Variants in CRYL1 observed in about 807,000 individuals in gnomAD.
CRYL1 encodes crystallin lambda 1.
In CRYL1, 29 loss-of-function variants were observed where a neutral mutation model predicts 36.6. That is an observed-to-expected ratio of 0.79 (90% CI 0.59 to 1.08). CRYL1 has a LOEUF of 1.08. Ranked by LOEUF, CRYL1 falls within the 50% of genes least tolerant of loss-of-function variation. CRYL1 has a pLI of 0.00. For missense variants in CRYL1, 411 were observed against 407.9 expected, an observed-to-expected ratio of 1.01 and a Z score of -0.06; for synonymous variants, 152 against 151.5, an observed-to-expected ratio of 1.00 and a Z score of -0.02.
intron 3 of CRYL1, among the ~76,000 whole-genome samples, chr13:20,456,279 G>A (rs372564160): frequency 4.0e-4 from 61 of 152,078 alleles, no homozygotes; most frequent in African/African-American, 1.4e-3. Context: ...TTTGAGACAA[G>A]CCTGGGCAAC....
chr13:20,516,959 A>T (rs2034010330), intron 1 of CRYL1, among the ~76,000 whole-genome samples: 1 of 152,150 alleles, frequency 6.6e-6, no homozygotes, highest in Admixed American at 6.5e-5. Context: ...CTGTGGTCCC[A>T]GCTACTCAGG....
In CRYL1 at chr13:20,439,528, A is replaced by G. The variant is rs878989745; in HGVS notation, c.438+65T>C. 4.3e-3 allele frequency: 4,427 copies of G among 1,023,380 alleles called. 1 individual carries two copies. The highest frequency in any genetic ancestry group is 8.3e-3 in the African/African-American group (472 of 56,772). 63.4% of individuals were successfully genotyped at this position (1,023,380 alleles called of 1,614,324 possible). On this transcript the variant is annotated intron_variant, in intron 4 of 7. Transcript: ENST00000298248. Reference sequence around the variant, plus strand: ...CCCCTCCCCCGCAAAAAAAAAAAAAAAAGAAAAAAAAAAAACACAGAATGA... The same window carrying G: ...CCCCTCCCCCGCAAAAAAAAAAAAAGAAGAAAAAAAAAAAACACAGAATGA...
chr13:20,429,789 T>G (rs950251097), intron 5 of CRYL1, among the ~76,000 whole-genome samples: 16 of 152,144 alleles, frequency 1.1e-4, no homozygotes, highest in Non-Finnish European at 2.2e-4. Context: ...CAGGCTCCCC[T>G]AGCGCCCTGA....
chr13:20,407,377 A>G lies in CRYL1; in HGVS notation c.740-2636T>C, dbSNP rs538433197. ...TGCATCTGCCTGATTATTTACAACC[A>G]TGTCCCAGTAAACTTATGACTGTGA... is the stretch of plus-strand genomic sequence containing the variant. On this transcript the variant is annotated intron_variant, in intron 6 of 7. Transcript: ENST00000298248. Among the ~76,000 whole-genome samples the G allele has an allele frequency of 1.3e-4, 20 of 152,024 alleles. No homozygotes were observed. The East Asian group carries it at 2.2e-3, about 16-fold the overall frequency.
At chr13:20,523,619 A>C (rs983282299) in intron 1 of CRYL1, among the ~76,000 whole-genome samples, 7 of 152,096 alleles carry the variant, frequency 4.6e-5, no homozygotes, top group South Asian at 2.1e-4. Flanking sequence ...GCCAGGAAAG[A>C]AATAGAGGGA....
chr13:20,421,273 A>G (rs193028191), intron 5 of CRYL1, among the ~76,000 whole-genome samples: 2 of 152,194 alleles, frequency 1.3e-5, no homozygotes, highest in Admixed American at 1.3e-4. Flanking sequence ...TACAACAGCA[A>G]AAAGAATCCA....
At chr13:20,493,783 C>A (rs1417424012) in intron 2 of CRYL1, among the ~76,000 whole-genome samples, 1 of 152,142 alleles carries the variant, frequency 6.6e-6, no homozygotes, top group Admixed American at 6.5e-5. Context: ...TCACCATGAC[C>A]ACAGGCCATA....
chr13:20,434,254 C>G (rs1565962730), intron 4 of CRYL1, among the ~76,000 whole-genome samples: 1 of 152,144 alleles, frequency 6.6e-6, no homozygotes, highest in South Asian at 2.1e-4. Context: ...ACTTGGGGAG[C>G]TTTTCTGTCT....
intron 1 of CRYL1, chr13:20,515,763 A>C (rs965819679): frequency 6.6e-6 from 1 of 152,236 alleles, no homozygotes; most frequent in Non-Finnish European, 1.5e-5. Context: ...GGTGGATGCC[A>C]GGGGCTGGGG....
chr13:20,465,723 G>A (rs2032918369), intron 3 of CRYL1, among the ~76,000 whole-genome samples: 1 of 152,174 alleles, frequency 6.6e-6, no homozygotes, highest in Non-Finnish European at 1.5e-5. Context: ...CTGAGCCATA[G>A]AGAGTTTACC....
intron 3 of CRYL1, among the ~76,000 whole-genome samples, chr13:20,470,608 G>A (rs1309233024): frequency 6.6e-6 from 1 of 152,100 alleles, no homozygotes; most frequent in African/African-American, 2.4e-5. Context: ...CAAGACAAAA[G>A]CTATAAAAAC....
intron 3 of CRYL1, among the ~76,000 whole-genome samples, chr13:20,483,087 C>T (rs941434256): frequency 4.6e-5 from 7 of 151,956 alleles, no homozygotes; most frequent in African/African-American, 7.3e-5. Context: ...TTAATGAGTA[C>T]AAAATACAGT....
chr13:20,411,051 G>C (rs983813621), intron 6 of CRYL1, among the ~76,000 whole-genome samples: 1 of 152,210 alleles, frequency 6.6e-6, no homozygotes, highest in Non-Finnish European at 1.5e-5. Context: ...ACTAGTTCTA[G>C]ATAAATGGTA....
intron 2 of CRYL1, among the ~76,000 whole-genome samples, chr13:20,505,243 G>A (rs2033771409): frequency 6.6e-6 from 1 of 151,746 alleles, no homozygotes; most frequent in African/African-American, 2.4e-5. Flanking sequence ...TGTAGTCCCA[G>A]CTACTCGGGA....
At chr13:20,449,582 A>G (rs2032525014) in intron 3 of CRYL1, among the ~76,000 whole-genome samples, 1 of 152,122 alleles carries the variant, frequency 6.6e-6, no homozygotes, top group African/African-American at 2.4e-5. Flanking sequence ...AATAGAAGAC[A>G]GATTGGAAGT....
intron 2 of CRYL1, among the ~76,000 whole-genome samples, chr13:20,505,585 G>A (rs759726446): frequency 6.6e-6 from 1 of 152,064 alleles, no homozygotes; most frequent in Non-Finnish European, 1.5e-5. Flanking sequence ...TTATTTCTGC[G>A]TCCATAATGG....
chr13:20,437,611 G>C (rs920665119), intron 4 of CRYL1, among the ~76,000 whole-genome samples: 1 of 152,120 alleles, frequency 6.6e-6, no homozygotes, highest in Non-Finnish European at 1.5e-5. Flanking sequence ...ACTTTATGCT[G>C]TTTCATTAAA....
Position 20,525,377 on chromosome 13 carries a change from C to T in CRYL1, c.41+377G>A, listed in dbSNP as rs879883953. Reference sequence around the variant, plus strand: ...TGAGAACACAGTCGTCGCAGGATCGCAGCCAGAATTCGTTTCATTCAACAC... The same window carrying T: ...TGAGAACACAGTCGTCGCAGGATCGTAGCCAGAATTCGTTTCATTCAACAC... On this transcript the variant is annotated intron_variant, in intron 1 of 7. Coordinates refer to ENST00000298248, the MANE Select transcript of CRYL1 (RefSeq NM_015974.3). The surrounding 1 kb of genome is among the most constrained non-coding windows in gnomAD (Gnocchi z 4.3). 6.6e-6 allele frequency among the ~76,000 whole-genome samples: 1 copy of T among 152,232 alleles called. No homozygotes were observed. Among genetic ancestry groups the T allele is most frequent in the Non-Finnish European group, 1.5e-5 (1 of 68,040 alleles).
At chr13:20,489,591 G>T in intron 2 of CRYL1, 95 bp from the exon 3 acceptor site, 1 of 1,476,846 alleles carries the variant, frequency 6.8e-7, no homozygotes, top group Non-Finnish European at 9.3e-7. Flanking sequence ...GAAATGCCAA[G>T]CAGAACCACA....
Sources: gnomAD v4.1 joint callset for allele counts (sites outside exome capture counted in the v4.1 genomes callset) on GRCh38, gnomAD v4.1.1 for gene constraint, Gnocchi (gnomAD v3.1) non-coding constraint, MANE v1.5 for transcripts, NCBI Gene and HGNC (gene_info 2026-07-23, HGNC 2026-07-21) for gene names.